MACF1: variants seen among roughly 807,000 people sequenced by gnomAD.
MACF1 encodes microtubule-actin cross-linking factor 1.
Under a neutral mutation model 854.8 loss-of-function variants are expected in MACF1, and 193 were observed. That is an observed-to-expected ratio of 0.23 (90% confidence interval 0.20 to 0.25). The LOEUF (loss-of-function observed/expected upper bound fraction) is 0.25, where lower values mean the gene tolerates loss of function less well. MACF1 is among the 10% of genes least tolerant of loss of function. The pLI is 1.00. For synonymous variants in MACF1, 3,185 were observed against 3,226.7 expected (o/e 0.99, Z 0.44); for missense variants, 7,722 against 8,929.1 (o/e 0.86, Z 5.45).
rs111511423 is a variant in MACF1 at position 39,469,257 on chromosome 1, T to C, written c.21890-290T>C. Among the ~76,000 whole-genome samples, 793 of 152,260 alleles carry C rather than the reference T, an allele frequency of 5.2e-3. 6 individuals are homozygous for C. The highest frequency in any genetic ancestry group is 0.018 in the African/African-American group (733 of 41,520). Reference sequence around the variant, plus strand: ...GACCATGGGGTGTCTTTCTGCTAAATGTGAAAAGGCTGGCCCACCAGCCCA... The same window carrying C: ...GACCATGGGGTGTCTTTCTGCTAAACGTGAAAAGGCTGGCCCACCAGCCCA... On this transcript the variant is annotated intron_variant, in intron 96 of 100. Transcript: ENST00000564288.
intron 58 of MACF1, chr1:39,414,377 A>G (rs1322836081): frequency 6.2e-7 from 1 of 1,613,976 alleles, no homozygotes; most frequent in Admixed American, 1.7e-5. Flanking sequence ...TGGATCAAGG[A>G]GGACCTTGAT....
intron 47 of MACF1, among the ~76,000 whole-genome samples, chr1:39,360,271 G>C (rs1046744066): frequency 6.6e-6 from 1 of 151,322 alleles, no homozygotes; most frequent in African/African-American, 2.4e-5. Flanking sequence ...GGCTTCTCGA[G>C]GACAGTACTT....
chr1:39,171,712 G>C (rs1643951766), intron 2 of MACF1, among the ~76,000 whole-genome samples: 1 of 152,100 alleles, frequency 6.6e-6, no homozygotes, highest in South Asian at 2.1e-4. Context: ...TGCAACCTCT[G>C]CCTCTCGGGT....
intron 58 of MACF1, among the ~76,000 whole-genome samples, chr1:39,397,054 T>C (rs2148586482): frequency 6.6e-6 from 1 of 152,322 alleles, no homozygotes; most frequent in East Asian, 1.9e-4. Flanking sequence ...CACATGGTGA[T>C]GGTTCATGGA....
At chr1:39,156,246 T>C (rs1243453228) in intron 2 of MACF1, among the ~76,000 whole-genome samples, 1 of 151,514 alleles carries the variant, frequency 6.6e-6, no homozygotes, top group African/African-American at 2.4e-5. Flanking sequence ...TGACCTCAGG[T>C]GATCCACCTA....
chr1:39,319,733 T>C lies in MACF1; in HGVS notation c.4015T>C (p.Ser1339Pro), dbSNP rs1255387021. 1 of 1,612,330 alleles carries C rather than the reference T, an allele frequency of 6.2e-7. No homozygotes were observed. The highest frequency in any genetic ancestry group is 1.1e-5 in the South Asian group (1 of 90,872). The change falls in exon 31 of 101, where the codon TCT becomes CCT. Residue 1339 changes from serine (S) to proline (P), a missense_variant. Ser to Pro is a moderately conservative substitution (Grantham distance 74). Coordinates refer to ENST00000564288, the MANE Select transcript of MACF1 (RefSeq NM_001394062.1). The stretch of plus-strand genomic sequence containing the variant: ...ATGTCAAAAATTTTCCCAGCAGTAC[T>C]CTACTATTGTAAAGGTAACTTTACC... Reference protein sequence around the residue: ...DQCQKFSQQYSTIVKDYELQL... With the variant: ...DQCQKFSQQYPTIVKDYELQL...
At chr1:39,243,079 C>T (rs902815740) in intron 2 of MACF1, among the ~76,000 whole-genome samples, 1 of 152,222 alleles carries the variant, frequency 6.6e-6, no homozygotes, top group Non-Finnish European at 1.5e-5. Flanking sequence ...TATGAGGGTT[C>T]TAGATTCTCT....
intron 47 of MACF1, among the ~76,000 whole-genome samples, chr1:39,359,600 A>G (rs186878940): frequency 6.6e-6 from 1 of 152,260 alleles, no homozygotes; most frequent in East Asian, 1.9e-4. Context: ...TTGAATGCTT[A>G]CCAAGCGTGG....
rs1266241012 is a variant in MACF1 at position 39,378,471 on chromosome 1, G to C, written c.13224G>C (p.Leu4408=). The change falls in exon 53 of 101, where the codon CTG becomes CTC. Residue 4408 remains leucine (L), a synonymous_variant. Transcript: ENST00000564288. ...TGTCCTTCTGCTCAGGTTCCATACTGCCCTCTGTAGGAAGCTCTGTAGGCA... is the reference window on the plus strand; with the variant it reads ...TGTCCTTCTGCTCAGGTTCCATACTCCCCTCTGTAGGAAGCTCTGTAGGCA... ...PDSQGKTGSI[L]PSVGSSVGSV... 3 of 1,613,926 alleles carry C rather than the reference G, an allele frequency of 1.9e-6. No homozygotes were observed. In the Admixed American group the frequency reaches 5.0e-5, roughly 27 times the overall value.
chr1:39,408,813 C>T (rs977947059), intron 58 of MACF1, among the ~76,000 whole-genome samples: 3 of 151,980 alleles, frequency 2.0e-5, no homozygotes, highest in Non-Finnish European at 2.9e-5. Context: ...GGGAGCCGAA[C>T]GGCTGGCGTC....
chr1:39,107,062 C>T (rs536579074), intron 2 of MACF1, among the ~76,000 whole-genome samples: 1 of 152,208 alleles, frequency 6.6e-6, no homozygotes, highest in South Asian at 2.1e-4. Flanking sequence ...AAAAATGCTG[C>T]TCAGTGAATG....
At chr1:39,260,920 C>T (rs1301056662) in intron 6 of MACF1, among the ~76,000 whole-genome samples, 1 of 151,890 alleles carries the variant, frequency 6.6e-6, no homozygotes. Flanking sequence ...TCTGTAAAAT[C>T]ATATATATTA....
At chr1:39,215,636 GC>G (rs1644567752) in intron 1 of MACF1, among the ~76,000 whole-genome samples, 1 of 152,152 alleles carries the variant, frequency 6.6e-6, no homozygotes, top group Non-Finnish European at 1.5e-5. Context: ...GCAGTTAAGA[GC>G]CCAAGCTTTG....
Position 39,333,530 on chromosome 1 carries a change from A to G in MACF1, c.6942A>G (p.Arg2314=). The G allele has an allele frequency of 6.2e-7, 1 of 1,614,226 alleles. No homozygotes were observed. Among genetic ancestry groups the G allele is most frequent in the Non-Finnish European group, 8.5e-7 (1 of 1,180,024 alleles). ...QKLLLNEAIS[R]GIVPSHTAVK... ...TCTTACTAAATGAAGCAATATCCCG[A>G]GGCATTGTGCCAAGTCACACTGCCG... The change falls in exon 37 of 101, where the codon CGA becomes CGG. Residue 2314 remains arginine, a synonymous_variant. Transcript: ENST00000564288.
chr1:39,465,307 A>C (rs1214798912), intron 95 of MACF1, among the ~76,000 whole-genome samples, 195 bp downstream of exon 95: 1 of 152,170 alleles, frequency 6.6e-6, no homozygotes, highest in African/African-American at 2.4e-5. Flanking sequence ...TATAAGTATA[A>C]TTTTTTATAA....
chr1:39,382,733 C>G (rs919407549), intron 56 of MACF1, among the ~76,000 whole-genome samples: 2 of 151,696 alleles, frequency 1.3e-5, no homozygotes, highest in African/African-American at 4.8e-5. Flanking sequence ...TAGTGATCCA[C>G]ATTACTTAAT....
chr1:39,126,129 C>CTT (rs1456780402), intron 2 of MACF1, among the ~76,000 whole-genome samples: 47 of 152,180 alleles, frequency 3.1e-4, no homozygotes, highest in Non-Finnish European at 7.3e-5. Flanking sequence ...AACTGGGTGG[C>CTT]TTAAACAACA....
intron 6 of MACF1, among the ~76,000 whole-genome samples, chr1:39,278,526 A>G (rs1424443528): frequency 6.6e-6 from 1 of 152,360 alleles, no homozygotes; most frequent in South Asian, 2.1e-4. Context: ...TACAATATCA[A>G]TTAACTAACT....
intron 51 of MACF1, 69 bp from the exon 52 acceptor site, chr1:39,372,410 G>A (rs1284133378): frequency 2.4e-6 from 2 of 832,208 alleles, no homozygotes; most frequent in African/African-American, 1.7e-5. Context: ...AGTATATACA[G>A]AACAGATGTC....
Sources: gnomAD v4.1 joint callset for allele counts (sites outside exome capture counted in the v4.1 genomes callset) on GRCh38, gnomAD v4.1.1 for gene constraint, MANE v1.5 for transcripts, NCBI Gene and HGNC (gene_info 2026-07-23, HGNC 2026-07-21) for gene names.